DLGAP1: variants seen among roughly 807,000 people sequenced by gnomAD.
DLGAP1 encodes the protein disks large-associated protein 1.
Under a neutral mutation model 90.8 loss-of-function variants are expected in DLGAP1, and 11 were observed. That is an observed-to-expected ratio of 0.12 (90% confidence interval 0.08 to 0.20). DLGAP1 has a LOEUF of 0.20. DLGAP1 is among the 10% of genes least tolerant of loss of function. DLGAP1 has a pLI of 1.00. For synonymous variants in DLGAP1, 558 were observed against 540.7 expected (o/e 1.03, Z -0.44); for missense variants, 1,050 against 1,333.8 (o/e 0.79, Z 3.31).
chr18:3,854,759 T>C lies in DLGAP1; in HGVS notation c.957+24353A>G, dbSNP rs563685879. Among the ~76,000 whole-genome samples, 73 of 152,130 alleles carry C rather than the reference T, an allele frequency of 4.8e-4. 1 individual carries two copies. In the South Asian group the frequency reaches 0.014, roughly 29 times the overall value. On this transcript the variant is annotated intron_variant, in intron 4 of 12. Coordinates refer to ENST00000315677, the MANE Select transcript of DLGAP1 (RefSeq NM_004746.4). The stretch of plus-strand genomic sequence containing the variant: ...GGAAACCTATCAGTATGATTTCGTG[T>C]GAAAAAATGGTCCTAGAAATTTTAC...
rs753161121 is a variant in DLGAP1 at position 3,880,106 on chromosome 18, G to A, written c.-38C>T. Reference sequence around the variant, plus strand: ...GCAGCCGCCAGGGTCATGGACACCCGGAAGTCAGGCTCCAGACCCGTCTTG... The same window carrying A: ...GCAGCCGCCAGGGTCATGGACACCCAGAAGTCAGGCTCCAGACCCGTCTTG... On this transcript the variant is annotated 5_prime_UTR_variant, in exon 4 of 13. Coordinates refer to ENST00000315677, the MANE Select transcript of DLGAP1 (RefSeq NM_004746.4). 16 of 1,582,360 alleles carry A rather than the reference G, an allele frequency of 1.0e-5. 1 individual carries two copies. The South Asian group carries it at 1.4e-4, about 14-fold the overall frequency.
At chr18:3,575,767 C>T (rs8089124) in intron 8 of DLGAP1, among the ~76,000 whole-genome samples, 88 of 152,230 alleles carry the variant, frequency 5.8e-4, no homozygotes, top group African/African-American at 2.0e-3. Context: ...TCCAGAGCAG[C>T]CAGTCCCCAC....
At chr18:3,958,149 TC>T (rs1032556544) in intron 3 of DLGAP1, among the ~76,000 whole-genome samples, 1 of 152,112 alleles carries the variant, frequency 6.6e-6, no homozygotes, top group Admixed American at 6.5e-5. Context: ...AGTGGGCAGA[TC>T]TGCCCGCCTC....
At chr18:4,022,423 AC>A (rs2074627800) in intron 2 of DLGAP1, among the ~76,000 whole-genome samples, 7 of 148,922 alleles carry the variant, frequency 4.7e-5, no homozygotes, top group African/African-American at 1.5e-4. Context: ...ACACACACAC[AC>A]CACACACACA....
intron 2 of DLGAP1, among the ~76,000 whole-genome samples, chr18:4,064,908 A>G (rs539850002): frequency 6.6e-6 from 1 of 152,332 alleles, no homozygotes; most frequent in South Asian, 2.1e-4. Flanking sequence ...TCCTTGAAGA[A>G]CATTGATGCA....
intron 2 of DLGAP1, among the ~76,000 whole-genome samples, chr18:4,026,702 C>G (rs2074704432): frequency 6.6e-6 from 1 of 152,114 alleles, no homozygotes; most frequent in Non-Finnish European, 1.5e-5. Flanking sequence ...ATTTCTGATT[C>G]TTTGGACACA....
chr18:4,010,874 GA>G (rs11316332), intron 2 of DLGAP1, among the ~76,000 whole-genome samples: 29,705 of 144,608 alleles, frequency 0.21, 2,992 homozygotes, highest in African/African-American at 0.26. Context: ...ACACAAGGAT[GA>G]AAAAAAAAAA....
chr18:3,855,767 C>T (rs984801947), intron 4 of DLGAP1, among the ~76,000 whole-genome samples: 1 of 152,124 alleles, frequency 6.6e-6, no homozygotes, highest in East Asian at 1.9e-4. Flanking sequence ...ACGCGTGCCA[C>T]CACACCAGGC....
intron 9 of DLGAP1, 75 bp from the exon 10 acceptor site, chr18:3,534,690 CTTTCT>C (rs772686946): frequency 8.6e-5 from 101 of 1,174,346 alleles, no homozygotes; most frequent in Non-Finnish European, 1.0e-4. Flanking sequence ...TCCTTCCTTT[CTTTCT>C]TTTTTTTTTT....
At chr18:3,747,057 T>C (rs1396494834) in intron 5 of DLGAP1, among the ~76,000 whole-genome samples, 1 of 152,166 alleles carries the variant, frequency 6.6e-6, no homozygotes, top group Non-Finnish European at 1.5e-5. Flanking sequence ...CATTTTACTG[T>C]TACAAAAGAT....
intron 1 of DLGAP1, among the ~76,000 whole-genome samples, chr18:4,256,841 C>G (rs1598739724): frequency 6.6e-6 from 1 of 151,996 alleles, no homozygotes; most frequent in African/African-American, 2.4e-5. Context: ...TCCTCGATAG[C>G]CTGAGGGTAC....
rs185987527 is a variant in DLGAP1, at chr18:4,416,366, A to T, written c.-267+38640T>A. On this transcript the variant is annotated intron_variant, in intron 1 of 12. Coordinates refer to ENST00000315677, the MANE Select transcript of DLGAP1 (RefSeq NM_004746.4). Reference sequence around the variant, plus strand: ...AGTTATGCCTATATTAGAAGGGATTATCAAAATTGGCACATTTTATTAATA... The same window carrying T: ...AGTTATGCCTATATTAGAAGGGATTTTCAAAATTGGCACATTTTATTAATA... Among the ~76,000 whole-genome samples the T allele has an allele frequency of 1.2e-3, 177 of 150,104 alleles. 2 individuals carry two copies. The highest frequency in any genetic ancestry group is 4.2e-3 in the African/African-American group (170 of 40,418).
chr18:4,339,863 G>C (rs932590216), intron 1 of DLGAP1, among the ~76,000 whole-genome samples: 1 of 152,134 alleles, frequency 6.6e-6, no homozygotes, highest in Non-Finnish European at 1.5e-5. Context: ...CTTTGACATA[G>C]GATATAACAA....
chr18:4,137,723 G>A (rs759815762), intron 2 of DLGAP1, among the ~76,000 whole-genome samples: 1 of 152,040 alleles, frequency 6.6e-6, no homozygotes, highest in African/African-American at 2.4e-5. Context: ...TGGATAGTAT[G>A]GACATTTTAA....
Position 3,907,260 on chromosome 18 carries a change from A to G in DLGAP1, c.-72-27120T>C, listed in dbSNP as rs2071931086. 2.0e-5 allele frequency among the ~76,000 whole-genome samples: 3 copies of G among 152,256 alleles called. No individual in the cohort carries two copies. In the South Asian group the frequency reaches 6.2e-4, roughly 32 times the overall value. On this transcript the variant is annotated intron_variant, in intron 3 of 12. Coordinates refer to ENST00000315677, the MANE Select transcript of DLGAP1 (RefSeq NM_004746.4). ...ACAGTAATATATTCTACTCTATTTG[A>G]TCTTTCCTAGCCTATATCCTCTTCT...
intron 6 of DLGAP1, among the ~76,000 whole-genome samples, chr18:3,741,029 C>CCACCACCATCACCACCACCAT (rs1568047727): frequency 1.1e-5 from 1 of 88,804 alleles, no homozygotes; most frequent in African/African-American, 6.4e-5. Flanking sequence ...ACCACCACCA[C>CCACCACCATCACCACCACCAT]CACCACCATC....
intron 9 of DLGAP1, among the ~76,000 whole-genome samples, chr18:3,553,622 C>T (rs1159410161): frequency 6.6e-6 from 1 of 152,136 alleles, no homozygotes; most frequent in African/African-American, 2.4e-5. Context: ...CAACCTCCGT[C>T]TTCCGGGTTC....
At chr18:4,416,921 A>G (rs1251266514) in intron 1 of DLGAP1, among the ~76,000 whole-genome samples, 1 of 152,196 alleles carries the variant, frequency 6.6e-6, no homozygotes, top group Non-Finnish European at 1.5e-5. Context: ...TAACAAAACT[A>G]AACTGAACTT....
chr18:3,741,015 C>A (rs1231899051), intron 6 of DLGAP1, among the ~76,000 whole-genome samples: 1 of 124,074 alleles, frequency 8.1e-6, no homozygotes, highest in Non-Finnish European at 1.7e-5. Context: ...CCACCACCAC[C>A]ATCACCACCA....
Sources: allele counts gnomAD v4.1 joint callset (sites outside exome capture counted in the v4.1 genomes callset), GRCh38; gene constraint gnomAD v4.1.1; transcripts MANE v1.5; gene names NCBI Gene and HGNC (gene_info 2026-07-23, HGNC 2026-07-21).